LRRC4C: variants seen among roughly 807,000 people sequenced by gnomAD.
LRRC4C encodes leucine-rich repeat-containing protein 4C.
Under a neutral mutation model 33.6 loss-of-function variants are expected in LRRC4C, and 5 were observed. The ratio of observed to expected loss-of-function variants is 0.15; its 90% CI spans 0.08 to 0.31. LRRC4C has a LOEUF of 0.31. LRRC4C is among the 10% of genes least tolerant of loss of function. The pLI is 1.00. For synonymous variants in LRRC4C, 329 were observed against 302.0 expected (o/e 1.09, Z -0.93); for missense variants, 560 against 796.7 (o/e 0.70, Z 3.58).
chr11:40,126,372 G>A (rs1856226086), intron 6 of LRRC4C, among the ~76,000 whole-genome samples: 1 of 152,024 alleles, frequency 6.6e-6, no homozygotes, highest in African/African-American at 2.4e-5. Flanking sequence ...GAGATGTTCT[G>A]ACTACAGAGA....
chr11:41,392,463 G>A (rs900170243), intron 1 of LRRC4C, among the ~76,000 whole-genome samples: 5 of 151,490 alleles, frequency 3.3e-5, no homozygotes, highest in South Asian at 2.1e-4. Flanking sequence ...AAACAGTTAC[G>A]TGTAATAAGC....
intron 3 of LRRC4C, among the ~76,000 whole-genome samples, chr11:40,558,942 G>A (rs1957437221): frequency 6.6e-6 from 1 of 152,074 alleles, no homozygotes; most frequent in Non-Finnish European, 1.5e-5. Context: ...CGACTTGTAA[G>A]TGAGAACATG....
intron 2 of LRRC4C, among the ~76,000 whole-genome samples, chr11:40,758,956 T>G (rs1214384593): frequency 2.0e-5 from 3 of 151,586 alleles, no homozygotes; most frequent in African/African-American, 7.3e-5. Context: ...TCAATATCTC[T>G]TTTTCTTTTA....
At chr11:40,647,802 T>C (rs72894618) in intron 3 of LRRC4C, among the ~76,000 whole-genome samples, 6,700 of 152,292 alleles carry the variant, frequency 0.044, 193 homozygotes, top group Non-Finnish European at 0.066. Context: ...AAGGACAATC[T>C]GCCACTCTTT....
intron 1 of LRRC4C, among the ~76,000 whole-genome samples, chr11:41,385,899 C>T (rs1358914283): frequency 6.6e-6 from 1 of 151,472 alleles, no homozygotes. Flanking sequence ...TTTTAAGTTA[C>T]AGTAGTAAGA....
intron 2 of LRRC4C, among the ~76,000 whole-genome samples, chr11:40,759,578 T>G (rs1245162585): frequency 1.3e-5 from 2 of 151,932 alleles, no homozygotes; most frequent in African/African-American, 4.8e-5. Flanking sequence ...GGCAAAAACC[T>G]CAGTTACTTT....
intron 2 of LRRC4C, among the ~76,000 whole-genome samples, chr11:40,915,227 C>T (rs1956895954): frequency 6.6e-6 from 1 of 152,046 alleles, no homozygotes; most frequent in Admixed American, 6.6e-5. Flanking sequence ...AAAAAGAGCC[C>T]ATATTGCCAA....
At chr11:41,114,307 T>C (rs541662379) in intron 1 of LRRC4C, among the ~76,000 whole-genome samples, 144 of 152,166 alleles carry the variant, frequency 9.5e-4, no homozygotes, top group African/African-American at 3.4e-3. Context: ...AATTCTAGAA[T>C]TCCAGACAGC....
intron 3 of LRRC4C, among the ~76,000 whole-genome samples, chr11:40,597,131 A>G (rs1959417388): frequency 6.6e-6 from 1 of 152,154 alleles, no homozygotes; most frequent in Admixed American, 6.5e-5. Context: ...TTCAACCTAC[A>G]TTTACATAAG....
chr11:41,315,979 A>C (rs992333597), intron 1 of LRRC4C, among the ~76,000 whole-genome samples: 1 of 152,128 alleles, frequency 6.6e-6, no homozygotes, highest in African/African-American at 2.4e-5. Context: ...CTAACTCAAA[A>C]GCCATTTATT....
chr11:40,971,040 T>A (rs188375228), intron 1 of LRRC4C, among the ~76,000 whole-genome samples: 2 of 152,218 alleles, frequency 1.3e-5, no homozygotes, highest in East Asian at 3.9e-4. Context: ...AAAGGGGAAG[T>A]AGAGTGTCAA....
chr11:40,728,051 G>A (rs28853361), intron 2 of LRRC4C, among the ~76,000 whole-genome samples: 1 of 101,864 alleles, frequency 9.8e-6, no homozygotes, highest in African/African-American at 3.6e-5. Flanking sequence ...GAAAAATAAT[G>A]AACATCACGA....
intron 4 of LRRC4C, among the ~76,000 whole-genome samples, chr11:40,303,986 A>C (rs1464779501): frequency 6.6e-6 from 1 of 152,228 alleles, no homozygotes. Context: ...CCTTTTCAAA[A>C]GCCAAATTCT....
At chr11:40,274,138 G>C (rs914936288) in intron 4 of LRRC4C, among the ~76,000 whole-genome samples, 5 of 151,936 alleles carry the variant, frequency 3.3e-5, no homozygotes, top group African/African-American at 1.2e-4. Flanking sequence ...ACAAAGAATG[G>C]CATTCCTATC....
chr11:40,457,999 A>G (rs988514533), intron 3 of LRRC4C, among the ~76,000 whole-genome samples: 7 of 152,176 alleles, frequency 4.6e-5, no homozygotes, highest in African/African-American at 1.7e-4. Flanking sequence ...AGATGTAGTT[A>G]CATTCTGCCT....
At chr11:41,345,800 A>T (rs1455662770) in intron 1 of LRRC4C, among the ~76,000 whole-genome samples, 1 of 152,164 alleles carries the variant, frequency 6.6e-6, no homozygotes, top group Non-Finnish European at 1.5e-5. Flanking sequence ...TTTGCACTCC[A>T]GGTAAAAAGA....
intron 2 of LRRC4C, among the ~76,000 whole-genome samples, chr11:40,649,738 C>T (rs1942673657): frequency 6.6e-6 from 1 of 152,068 alleles, no homozygotes; most frequent in Admixed American, 6.6e-5. Flanking sequence ...AATTTATGTT[C>T]AGAGATTGAA....
chr11:40,952,846 C>T (rs1958759827), intron 1 of LRRC4C, among the ~76,000 whole-genome samples: 1 of 82,482 alleles, frequency 1.2e-5, no homozygotes, highest in Admixed American at 1.3e-4. Flanking sequence ...CTGTCTATTT[C>T]CAAACACACA....
chr11:40,711,368 C>A (rs924810355), intron 2 of LRRC4C, among the ~76,000 whole-genome samples: 10 of 152,142 alleles, frequency 6.6e-5, no homozygotes, highest in Non-Finnish European at 1.0e-4. Flanking sequence ...AGTCCATGAC[C>A]TTATTTTGGT....
Sources: gnomAD v4.1 joint callset for allele counts (sites outside exome capture counted in the v4.1 genomes callset) on GRCh38, gnomAD v4.1.1 for gene constraint, MANE v1.5 for transcripts, NCBI Gene and HGNC (gene_info 2026-07-23, HGNC 2026-07-21) for gene names.